The following GRB10 variants were observed in gnomAD, a reference collection of about 807,000 sequenced individuals.
The protein encoded by GRB10 is growth factor receptor-bound protein 10.
A neutral mutation model predicts 80.9 loss-of-function variants in GRB10; 20 were observed. The ratio of observed to expected loss-of-function variants is 0.25; its 90% CI spans 0.17 to 0.36. The LOEUF is 0.36. Among genes scored for constraint, GRB10 ranks in the 10% least tolerant of loss-of-function variants. GRB10 has a pLI of 1.00. For synonymous variants in GRB10, 291 were observed against 291.5 expected, an observed-to-expected ratio of 1.00 and a Z score of 0.02; for missense variants, 548 against 747.7, an observed-to-expected ratio of 0.73 and a Z score of 3.12.
chr7:50,707,805 C>T (rs1366168456), intron 4 of GRB10, among the ~76,000 whole-genome samples: 1 of 152,150 alleles, frequency 6.6e-6, no homozygotes, highest in African/African-American at 2.4e-5. Context: ...GCCCTAAGGC[C>T]CTGCAGGTTA....
chr7:50,605,551 A>G, intron 14 of GRB10, 145 bp from the exon 15 acceptor site: 1 of 759,708 alleles, frequency 1.3e-6, no homozygotes. Context: ...TTCAGGTGGG[A>G]AATTCACCGG....
intron 7 of GRB10, among the ~76,000 whole-genome samples, chr7:50,666,300 G>A (rs532165502): frequency 5.9e-5 from 9 of 152,152 alleles, no homozygotes; most frequent in Non-Finnish European, 1.0e-4. Flanking sequence ...CAAAACACCC[G>A]GCCCGTTGTA....
At chr7:50,711,848 G>C (rs1433866123) in intron 4 of GRB10, among the ~76,000 whole-genome samples, 1 of 152,160 alleles carries the variant, frequency 6.6e-6, no homozygotes, top group Non-Finnish European at 1.5e-5. Context: ...TACGGTGCTA[G>C]ACAGTTTACA....
At chr7:50,724,577 G>GC (rs1489981592) in intron 4 of GRB10, among the ~76,000 whole-genome samples, 16 of 152,036 alleles carry the variant, frequency 1.1e-4, no homozygotes, top group African/African-American at 3.9e-4. Flanking sequence ...AGCGTGAGCC[G>GC]CCCAGCTCTG....
chr7:50,666,263 G>A (rs570866553), intron 7 of GRB10, among the ~76,000 whole-genome samples: 3 of 152,282 alleles, frequency 2.0e-5, no homozygotes, highest in South Asian at 2.1e-4. Flanking sequence ...CCCACTTTGC[G>A]GTCAACCTCT....
chr7:50,624,428 CTAA>C (rs1409398139), intron 8 of GRB10, among the ~76,000 whole-genome samples: 2 of 152,242 alleles, frequency 1.3e-5, no homozygotes, highest in Non-Finnish European at 1.5e-5. Context: ...CATTTTCTCA[CTAA>C]TGAGCTTCTG....
At position 50,782,662 on chromosome 7, in the gene GRB10, G is replaced by C. The variant is rs1328551374; in HGVS notation, c.-565C>G. ...GCGCGCCAGGCGAACGCGCTAGCAC[G>C]AAAAGCGGGCCAACGCCGCCTCTGG... On this transcript the variant is annotated 5_prime_UTR_variant, in exon 1 of 19. Coordinates refer to ENST00000401949, the MANE Select transcript of GRB10 (RefSeq NM_001350814.2). This position sits in a 1 kb window ranked among gnomAD's most constrained non-coding sequence, Gnocchi z 6.6. The C allele has an allele frequency of 2.0e-5, 3 of 151,830 alleles. No individual in the cohort carries two copies. The highest frequency in any genetic ancestry group is 7.2e-5 in the African/African-American group (3 of 41,392). 9.4% of individuals were successfully genotyped at this position (151,830 alleles called of 1,614,324 possible). A position where few individuals can be genotyped will look rare whatever the true frequency, so the allele number is the denominator to read the frequency against.
At chr7:50,720,544 G>A (rs1252213227) in intron 4 of GRB10, among the ~76,000 whole-genome samples, 1 of 152,128 alleles carries the variant, frequency 6.6e-6, no homozygotes, top group East Asian at 1.9e-4. Flanking sequence ...CGGACGGGGA[G>A]CCCAGCACAT....
At chr7:50,781,852 T>C (rs983508672) in intron 1 of GRB10, among the ~76,000 whole-genome samples, 1 of 152,220 alleles carries the variant, frequency 6.6e-6, no homozygotes, top group African/African-American at 2.4e-5. Context: ...CAATTCACAT[T>C]GTCTGATATG....
intron 2 of GRB10, among the ~76,000 whole-genome samples, chr7:50,759,414 C>T (rs577412482): frequency 2.6e-5 from 4 of 152,174 alleles, no homozygotes; most frequent in East Asian, 1.9e-4. Flanking sequence ...TATGGCGGAT[C>T]GGTTCCAGGA....
chr7:50,755,542 G>C (rs1276824146), intron 3 of GRB10, among the ~76,000 whole-genome samples: 2 of 152,136 alleles, frequency 1.3e-5, no homozygotes, highest in Non-Finnish European at 2.9e-5. Context: ...GAGTGACCCA[G>C]GAGGCAGGCA....
At chr7:50,719,166 G>C (rs889743398) in intron 4 of GRB10, among the ~76,000 whole-genome samples, 1 of 152,192 alleles carries the variant, frequency 6.6e-6, no homozygotes, top group African/African-American at 2.4e-5. Context: ...GAACAGAACA[G>C]AGCTGGATAA....
intron 7 of GRB10, among the ~76,000 whole-genome samples, chr7:50,640,245 T>C (rs2055979776): frequency 6.6e-6 from 1 of 152,246 alleles, no homozygotes; most frequent in African/African-American, 2.4e-5. Flanking sequence ...GTATGGTTTT[T>C]GGCTCTAAGG....
rs138008131 is a variant in GRB10, at chr7:50,630,307, G to A, written c.505-3329C>T. Among the ~76,000 whole-genome samples, 138 of 152,362 alleles carry A rather than the reference G, an allele frequency of 9.1e-4. 1 individual carries two copies. The highest frequency in any genetic ancestry group is 3.1e-3 in the African/African-American group (129 of 41,574). ...AACCATGCTTCATCAGTAACTAGCT[G>A]TGGGAACATGGCTGAGCTATCCAGC... On this transcript the variant is annotated intron_variant, in intron 7 of 18. Coordinates refer to ENST00000401949, the MANE Select transcript of GRB10 (RefSeq NM_001350814.2).
In GRB10 at chr7:50,703,561, C is replaced by T. The variant is rs535699349; in HGVS notation, c.139+260G>A. Among the ~76,000 whole-genome samples, 8 of 148,954 alleles carry T rather than the reference C, an allele frequency of 5.4e-5. No individual in the cohort carries two copies. The South Asian group carries it at 6.2e-4, about 12-fold the overall frequency. On this transcript the variant is annotated intron_variant, in intron 5 of 18. Transcript: ENST00000401949. ...CAATAGGTGACATCAAGTTGCCTTT[C>T]GGCTGAAACCTAGATAACTCGTATG...
chr7:50,704,817 C>T (rs73118841), intron 4 of GRB10, among the ~76,000 whole-genome samples: 3,364 of 152,294 alleles, frequency 0.022, 100 homozygotes, highest in East Asian at 0.046. Flanking sequence ...CTCTGCCAAG[C>T]GGGGCTCTCG....
chr7:50,702,667 C>T (rs2064413637), intron 5 of GRB10, among the ~76,000 whole-genome samples: 1 of 152,176 alleles, frequency 6.6e-6, no homozygotes, highest in Non-Finnish European at 1.5e-5. Flanking sequence ...CAACTGCATA[C>T]GGTGTAACTC....
intron 6 of GRB10, among the ~76,000 whole-genome samples, chr7:50,673,992 A>G (rs2060628553): frequency 6.6e-6 from 1 of 152,072 alleles, no homozygotes; most frequent in Non-Finnish European, 1.5e-5. Context: ...TTAGCAGAGG[A>G]ATGTGGCAAA....
intron 2 of GRB10, among the ~76,000 whole-genome samples, chr7:50,766,703 T>C (rs2076376097): frequency 1.3e-5 from 2 of 152,110 alleles, no homozygotes; most frequent in Non-Finnish European, 2.9e-5. Context: ...GGACGCTTTA[T>C]CACCACCCCC....
Sources: allele counts gnomAD v4.1 joint callset (sites outside exome capture counted in the v4.1 genomes callset), GRCh38; gene constraint gnomAD v4.1.1; non-coding constraint Gnocchi (gnomAD v3.1); transcripts MANE v1.5; gene names NCBI Gene and HGNC (gene_info 2026-07-23, HGNC 2026-07-21).